Variants in ZBTB38 observed in about 807,000 individuals in gnomAD.
ZBTB38 encodes zinc finger and BTB domain containing 38, also known as zinc finger and BTB domain-containing protein 38.
Under a neutral mutation model 76.8 loss-of-function variants are expected in ZBTB38, and 20 were observed. The ratio of observed to expected loss-of-function variants is 0.26; its 90% CI spans 0.18 to 0.38. The LOEUF (loss-of-function observed/expected upper bound fraction) is 0.38, where lower values mean the gene tolerates loss of function less well. ZBTB38 is among the 10% of genes least tolerant of loss of function. ZBTB38 has a pLI of 1.00. For missense variants in ZBTB38, 1,082 were observed against 1,482.3 expected (o/e 0.73, Z 4.43); for synonymous variants, 504 against 544.2 (o/e 0.93, Z 1.03).
rs1361348284 is a variant in ZBTB38, at chr3:141,390,293, A to G, written c.-106+3356A>G. 2.4e-4 allele frequency among the ~76,000 whole-genome samples: 36 copies of G among 152,148 alleles called. 1 individual carries two copies. Among genetic ancestry groups the G allele is most frequent in the Admixed American group, 2.4e-3 (36 of 15,272 alleles). ...TTGAAAAGCTATCCTGAACCCATTT[A>G]CACTTTTTGGCTCCGGTATTTTTAC... On this transcript the variant is annotated intron_variant, in intron 4 of 5. Transcript: ENST00000321464.
chr3:141,382,071 A>G (rs958855952), intron 3 of ZBTB38, among the ~76,000 whole-genome samples: 1 of 152,194 alleles, frequency 6.6e-6, no homozygotes, highest in Non-Finnish European at 1.5e-5. Context: ...TGTTCAGGAG[A>G]AAAATACTAT....
At chr3:141,419,128 C>A (rs948061842) in intron 5 of ZBTB38, among the ~76,000 whole-genome samples, 4 of 152,122 alleles carry the variant, frequency 2.6e-5, no homozygotes, top group Non-Finnish European at 5.9e-5. Flanking sequence ...TTAATCATGG[C>A]AGAAGGTAAA....
intron 4 of ZBTB38, among the ~76,000 whole-genome samples, chr3:141,397,580 C>G (rs1479268563): frequency 1.3e-5 from 2 of 152,188 alleles, no homozygotes; most frequent in Non-Finnish European, 2.9e-5. Flanking sequence ...TTAATCATTT[C>G]TAGCTTTTGA....
chr3:141,418,763 A>G (rs1009167806), intron 5 of ZBTB38, among the ~76,000 whole-genome samples: 1 of 152,216 alleles, frequency 6.6e-6, no homozygotes, highest in African/African-American at 2.4e-5. Context: ...TTTGCTAGCT[A>G]AGGTCTCTAT....
intron 3 of ZBTB38, among the ~76,000 whole-genome samples, chr3:141,382,335 C>G (rs1314992385): frequency 6.6e-6 from 1 of 152,170 alleles, no homozygotes; most frequent in Non-Finnish European, 1.5e-5. Flanking sequence ...CAAATTTATT[C>G]ACAAATGCTG....
intron 5 of ZBTB38, chr3:141,432,292 T>C: frequency 1.0e-6 from 1 of 984,712 alleles, no homozygotes; most frequent in Non-Finnish European, 1.2e-6. Flanking sequence ...GTTTTATTTC[T>C]ACGTTTCTTT....
chr3:141,388,546 T>A (rs1290159083), intron 4 of ZBTB38: 1 of 152,194 alleles, frequency 6.6e-6, no homozygotes, highest in Non-Finnish European at 1.5e-5. Flanking sequence ...TTCAAAATAA[T>A]TTCATGAGCT....
chr3:141,420,697 C>G (rs1487792442), intron 5 of ZBTB38, among the ~76,000 whole-genome samples: 1 of 152,114 alleles, frequency 6.6e-6, no homozygotes, highest in Non-Finnish European at 1.5e-5. Context: ...GAAGAATGAT[C>G]CCTTTCTGCT....
chr3:141,412,010 G>C (rs1956824539), intron 5 of ZBTB38, among the ~76,000 whole-genome samples: 3 of 152,064 alleles, frequency 2.0e-5, no homozygotes, highest in Admixed American at 6.5e-5. Flanking sequence ...CTCTATTTTA[G>C]AAAATACTTT....
Position 141,444,296 on chromosome 3 carries a change from T to C in ZBTB38, c.1908T>C (p.Ser636=). Residue 636 remains serine, a synonymous_variant, in exon 6 of 6, where the codon TCT becomes TCC. Transcript: ENST00000321464. This position sits in a 1 kb window ranked among gnomAD's most constrained non-coding sequence, Gnocchi z 5.1. ...TNSPAIPLET[S]ACQDIPTSAN... is the part of the protein sequence containing the mutation. ...GTCCAGCCATCCCATTGGAAACATC[T>C]GCATGTCAGGACATACCCACTTCTG... The C allele has an allele frequency of 1.2e-6, 2 of 1,614,204 alleles. No homozygotes were observed. Among genetic ancestry groups the C allele is most frequent in the Non-Finnish European group, 1.7e-6 (2 of 1,180,034 alleles).
intron 4 of ZBTB38, chr3:141,388,859 A>G (rs946520507): frequency 1.3e-5 from 2 of 152,200 alleles, no homozygotes; most frequent in African/African-American, 4.8e-5. Context: ...CTTTGTGCTC[A>G]GTACTTTCAA....
At chr3:141,397,052 CTATT>C (rs903674986) in intron 4 of ZBTB38, among the ~76,000 whole-genome samples, 41 of 152,218 alleles carry the variant, frequency 2.7e-4, no homozygotes, top group Non-Finnish European at 7.3e-5. Flanking sequence ...TTTCTCCTCT[CTATT>C]TATGAAAGTC....
intron 2 of ZBTB38, among the ~76,000 whole-genome samples, 177 bp from the exon 3 acceptor site, chr3:141,381,248 G>C (rs1428025601): frequency 6.6e-6 from 1 of 152,204 alleles, no homozygotes; most frequent in Non-Finnish European, 1.5e-5. Context: ...TGCTAAAGCC[G>C]AGGTAGTGAT....
chr3:141,426,244 G>GTGTGCTTTTGC, intron 5 of ZBTB38: 2 of 1,257,340 alleles, frequency 1.6e-6, no homozygotes, highest in Non-Finnish European at 2.1e-6. Context: ...TTTTCAGCAG[G>GTGTGCTTTTGC]ATGCAAAAGC....
intron 1 of ZBTB38, among the ~76,000 whole-genome samples, chr3:141,346,782 TTG>T (rs56345431): frequency 7.8e-4 from 113 of 144,664 alleles, no homozygotes; most frequent in African/African-American, 1.1e-3. Flanking sequence ...TTGTTTTGTT[TTG>T]TGTGTGTGTG....
intron 5 of ZBTB38, among the ~76,000 whole-genome samples, chr3:141,421,586 G>A (rs936055646): frequency 1.8e-4 from 28 of 152,102 alleles, no homozygotes; most frequent in African/African-American, 6.5e-4. Context: ...ACATTCAAAG[G>A]GCTGTCGTAT....
At chr3:141,356,690 G>A (rs1187806427) in intron 1 of ZBTB38, among the ~76,000 whole-genome samples, 1 of 151,298 alleles carries the variant, frequency 6.6e-6, no homozygotes, top group Admixed American at 6.6e-5. Context: ...AAGTGCTCTG[G>A]CTGTATCAGT....
At chr3:141,382,784 G>A (rs2149192198) in intron 3 of ZBTB38, among the ~76,000 whole-genome samples, 1 of 152,268 alleles carries the variant, frequency 6.6e-6, no homozygotes, top group East Asian at 1.9e-4. Context: ...GGGCCTGGAG[G>A]GTAGAGGCTG....
intron 5 of ZBTB38, among the ~76,000 whole-genome samples, chr3:141,412,026 G>A (rs375429417): frequency 1.3e-5 from 2 of 152,108 alleles, no homozygotes; most frequent in African/African-American, 2.4e-5. Flanking sequence ...ACTTTTTGAG[G>A]TCTTTTGTTT....
Sources: gnomAD v4.1 joint callset for allele counts (sites outside exome capture counted in the v4.1 genomes callset) on GRCh38, gnomAD v4.1.1 for gene constraint, Gnocchi (gnomAD v3.1) non-coding constraint, MANE v1.5 for transcripts, NCBI Gene and HGNC (gene_info 2026-07-23, HGNC 2026-07-21) for gene names.